Variants in SAMD15 observed in about 807,000 individuals in gnomAD.
SAMD15 encodes the protein sterile alpha motif domain containing 15, also known as sterile alpha motif domain-containing protein 15.
SAMD15 carries 37 observed loss-of-function variants against 50.5 expected under a neutral mutation model. The observed-to-expected ratio is 0.73, with a 90% confidence interval of 0.56 to 0.96. SAMD15 has a LOEUF of 0.96. SAMD15 is among the 40% of genes least tolerant of loss of function. The pLI, the probability that SAMD15 is intolerant of heterozygous loss-of-function variation, is 0.00. For synonymous variants in SAMD15, 255 were observed against 282.8 expected (o/e 0.90, Z 0.99); for missense variants, 789 against 783.8 (o/e 1.01, Z -0.08).
In SAMD15 at chr14:77,377,403, G is replaced by A. The variant is rs769743578; in HGVS notation, c.-16G>A. On this transcript the variant is annotated 5_prime_UTR_variant, in exon 1 of 3. Coordinates refer to ENST00000216471, the MANE Select transcript of SAMD15 (RefSeq NM_001010860.4). ...TGGGGTTGCTAGGAAGCCGCGGCGC[G>A]TCTGCTAAGCTGCAAATGGCTGAAG... 4.4e-6 allele frequency: 7 copies of A among 1,580,292 alleles called. No homozygotes were observed. The highest frequency in any genetic ancestry group is 5.2e-6 in the Non-Finnish European group (6 of 1,163,978).
At position 77,377,605 on chromosome 14, in the gene SAMD15, G is replaced by C. The variant is rs755710648; in HGVS notation, c.187G>C (p.Asp63His). ...GCCACAGCCAGAGACCGAGGAAGAG[G>C]ACTTCAAAGAGGGGGAGCCAGACAG... Reference protein sequence around the residue: ...QEPQPETEEEDFKEGEPDSAK... With the variant: ...QEPQPETEEEHFKEGEPDSAK... The change falls in exon 1 of 3, where the codon GAC becomes CAC. Residue 63 changes from aspartate (D) to histidine (H), a missense_variant. Asp to His is a moderately conservative substitution (Grantham distance 81, BLOSUM62 -1). Transcript: ENST00000216471. The C allele has an allele frequency of 1.2e-6, 2 of 1,614,116 alleles. No individual in the cohort carries two copies. Among genetic ancestry groups the C allele is most frequent in the East Asian group, 2.2e-5 (1 of 44,880 alleles).
At chr14:77,380,509 G>T in intron 2 of SAMD15, 28 bp downstream of exon 2, 1 of 1,497,360 alleles carries the variant, frequency 6.7e-7, no homozygotes, top group South Asian at 1.1e-5. Flanking sequence ...TTTCCCTACA[G>T]AGCACTGTTA....
In SAMD15 at chr14:77,378,970, CAA is replaced by C; in HGVS notation, c.1553_1554del (p.Gln518ArgfsTer8). Reference protein sequence around the residue: ...VHEKEVVDLSQELKERVSEDD... With the variant: ...VHEKEVVDLSXELKERVSEDD... ...TGAAAAGGAAGTTGTAGATTTGTCC[CAA>C]GAGTTGAAGGAACGGGTCTCTGAAG... On this transcript the variant is annotated frameshift_variant, in exon 1 of 3. Transcript: ENST00000216471. LOFTEE classifies it high-confidence loss of function. The C allele has an allele frequency of 6.2e-7, 1 of 1,614,086 alleles. No homozygotes were observed. The highest frequency in any genetic ancestry group is 8.5e-7 in the Non-Finnish European group (1 of 1,180,014).
rs768961257 is a variant in SAMD15 at position 77,378,147 on chromosome 14, GAC to G, written c.733_734del (p.Gln245LysfsTer5). On this transcript the variant is annotated frameshift_variant, in exon 1 of 3. Transcript: ENST00000216471. LOFTEE classifies it high-confidence loss of function. ...TGACCAAACCAGAGACTCCAGAGGA[GAC>G]ACAAAGAGAGTCAACTGAGAAGAAA... is the stretch of plus-strand genomic sequence containing the variant. ...KMTKPETPEETQRESTEKKRT... is the reference protein window; with the variant it reads ...KMTKPETPEEXQRESTEKKRT... 8.6e-5 allele frequency: 138 copies of G among 1,613,248 alleles called. No homozygotes were observed. Among genetic ancestry groups the G allele is most frequent in the Non-Finnish European group, 1.1e-4 (130 of 1,179,880 alleles).
intron 1 of SAMD15, 77 bp from the exon 2 acceptor site, chr14:77,380,306 C>T: frequency 2.2e-6 from 2 of 896,206 alleles, no homozygotes; most frequent in Non-Finnish European, 1.9e-6. Context: ...CGACTTCTTC[C>T]CTTCCTCCCC....
chr14:77,378,605 A>C lies in SAMD15; in HGVS notation c.1187A>C (p.Gln396Pro). 1 of 1,613,750 alleles carries C rather than the reference A, an allele frequency of 6.2e-7. No homozygotes were observed. The highest frequency in any genetic ancestry group is 8.5e-7 in the Non-Finnish European group (1 of 1,179,952). ...EINPQVEEKT[Q>P]TKPTEKILEL... ...AACCCACAAGTTGAAGAGAAAACAC[A>C]AACAAAGCCAACTGAGAAAATTCTA... is the stretch of plus-strand genomic sequence containing the variant. Residue 396 changes from glutamine (Q) to proline (P), a missense_variant, in exon 1 of 3, where the codon CAA becomes CCA. Physicochemically the swap from Gln to Pro is moderately conservative, Grantham distance 76 (BLOSUM62 -1). Around this residue, in one of 2 missense-constraint regions of SAMD15, gnomAD observed 770 missense variants for 745.4 expected, o/e 1.03. Coordinates refer to ENST00000216471, the MANE Select transcript of SAMD15 (RefSeq NM_001010860.4).
At chr14:77,390,525 T>G (rs1421286012) in intron 2 of SAMD15, among the ~76,000 whole-genome samples, 1 of 152,194 alleles carries the variant, frequency 6.6e-6, no homozygotes, top group Non-Finnish European at 1.5e-5. Context: ...TCATGACATT[T>G]AAGAAATTGG....
Position 77,379,447 on chromosome 14 carries a change from G to A in SAMD15, c.1689+340G>A, listed in dbSNP as rs150125715. Among the ~76,000 whole-genome samples the A allele has an allele frequency of 7.0e-3, 1,061 of 150,904 alleles. 19 individuals carry two copies. Among genetic ancestry groups the A allele is most frequent in the South Asian group, 0.037 (179 of 4,790 alleles). The stretch of plus-strand genomic sequence containing the variant: ...TGCCAAGGTTGGAGTGCAGTGGCAC[G>A]ATCTCGGCTCACTGCAAGCTCCACC... On this transcript the variant is annotated intron_variant, in intron 1 of 2. Coordinates refer to ENST00000216471, the MANE Select transcript of SAMD15 (RefSeq NM_001010860.4).
At chr14:77,385,430 C>T (rs1237784155) in intron 2 of SAMD15, among the ~76,000 whole-genome samples, 5 of 151,928 alleles carry the variant, frequency 3.3e-5, no homozygotes, top group Admixed American at 6.6e-5. Context: ...GGATTACAGG[C>T]GCCCACCACT....
Position 77,391,494 on chromosome 14 carries a change from T to C in SAMD15, c.*250T>C. 2.9e-6 allele frequency: 1 copy of C among 341,238 alleles called. No homozygotes were observed. The highest frequency in any genetic ancestry group is 2.1e-5 in the African/African-American group (1 of 47,454). The allele number at this position is 341,238 out of a possible 1,614,324, so 21.1% of individuals were successfully genotyped here. Reference sequence around the variant, plus strand: ...CATCATGCCCAGCTAATTTTTGTATTTTTAGTAGATATGATGTTTCACCAT... The same window carrying C: ...CATCATGCCCAGCTAATTTTTGTATCTTTAGTAGATATGATGTTTCACCAT... On this transcript the variant is annotated 3_prime_UTR_variant, in exon 3 of 3. Coordinates refer to ENST00000216471, the MANE Select transcript of SAMD15 (RefSeq NM_001010860.4).
chr14:77,383,220 A>G (rs906811133), intron 2 of SAMD15, among the ~76,000 whole-genome samples: 1 of 152,208 alleles, frequency 6.6e-6, no homozygotes, highest in Non-Finnish European at 1.5e-5. Context: ...TGACTTTCTT[A>G]ATAAACTTGC....
At position 77,377,435 on chromosome 14, in the gene SAMD15, A is replaced by G. The variant is rs1893853168; in HGVS notation, c.17A>G (p.Glu6Gly). 6.2e-7 allele frequency: 1 copy of G among 1,609,462 alleles called. No homozygotes were observed. Among genetic ancestry groups the G allele is most frequent in the East Asian group, 2.2e-5 (1 of 44,840 alleles). Residue 6 changes from glutamate to glycine, a missense_variant, in exon 1 of 3, where the codon GAG becomes GGG. Transcript: ENST00000216471. The stretch of plus-strand genomic sequence containing the variant: ...AAGCTGCAAATGGCTGAAGTCCCGG[A>G]GGATTATGATTCCGGCCCAGATGAA... MAEVP[E>G]DYDSGPDEDG...
At chr14:77,387,660 TA>T (rs931177077) in intron 2 of SAMD15, among the ~76,000 whole-genome samples, 12 of 151,550 alleles carry the variant, frequency 7.9e-5, no homozygotes, top group Admixed American at 2.6e-4. Flanking sequence ...CCAAGAGCCA[TA>T]AAAAAAACCC....
rs756183333 is a variant in SAMD15 at position 77,379,026 on chromosome 14, T to G, written c.1608T>G (p.Thr536=). ...EDDETQPEKG[T]ELQFEHLNWD... is the part of the protein sequence containing the mutation. The stretch of plus-strand genomic sequence containing the variant: ...ACGAAACCCAGCCAGAAAAAGGGAC[T>G]GAGTTACAATTTGAGCATCTTAATT... Residue 536 remains threonine, a synonymous_variant, in exon 1 of 3, where the codon ACT becomes ACG. Coordinates refer to ENST00000216471, the MANE Select transcript of SAMD15 (RefSeq NM_001010860.4). The G allele has an allele frequency of 6.2e-7, 1 of 1,614,134 alleles. No individual in the cohort carries two copies. Among genetic ancestry groups the G allele is most frequent in the South Asian group, 1.1e-5 (1 of 91,084 alleles).
At chr14:77,382,253 T>G (rs1009830890) in intron 2 of SAMD15, among the ~76,000 whole-genome samples, 17 of 152,110 alleles carry the variant, frequency 1.1e-4, no homozygotes, top group African/African-American at 3.9e-4. Context: ...GCCTCCCGAG[T>G]AGCTGGGACT....
Position 77,389,702 on chromosome 14 carries a change from T to C in SAMD15, c.1789-1306T>C, listed in dbSNP as rs138078120. Among the ~76,000 whole-genome samples, 1,333 of 151,998 alleles carry C rather than the reference T, an allele frequency of 8.8e-3. 19 individuals are homozygous for C. The highest frequency in any genetic ancestry group is 0.037 in the South Asian group (177 of 4,808). On this transcript the variant is annotated intron_variant, in intron 2 of 2. Transcript: ENST00000216471. Reference sequence around the variant, plus strand: ...TTTTAGTAGAGATGGGGTTTCACCATGTTAGCGAGGATGGTCTCGATCTCC... The same window carrying C: ...TTTTAGTAGAGATGGGGTTTCACCACGTTAGCGAGGATGGTCTCGATCTCC...
In SAMD15 at chr14:77,377,725, A is replaced by T; in HGVS notation, c.307A>T (p.Ile103Leu). ...CGTACCAAGCGAAACTGAACCAGGG[A>T]TACACCAAGAGGTAAAGTCGGAAAC... is the stretch of plus-strand genomic sequence containing the variant. ...RDVPSETEPG[I>L]HQEVKSETSR... is the part of the protein sequence containing the mutation. The change falls in exon 1 of 3, where the codon ATA becomes TTA. Residue 103 changes from isoleucine to leucine, a missense_variant. Physicochemically the swap from Ile to Leu is conservative, Grantham distance 5 (BLOSUM62 2). Coordinates refer to ENST00000216471, the MANE Select transcript of SAMD15 (RefSeq NM_001010860.4). The T allele has an allele frequency of 1.2e-6, 2 of 1,614,222 alleles. No homozygotes were observed. Among genetic ancestry groups the T allele is most frequent in the Non-Finnish European group, 1.7e-6 (2 of 1,180,028 alleles).
At chr14:77,380,261 C>A (rs1893928484) in intron 1 of SAMD15, 122 bp from the exon 2 acceptor site, 2 of 686,456 alleles carry the variant, frequency 2.9e-6, no homozygotes, top group Admixed American at 4.5e-5. Flanking sequence ...AAAGAAAAAA[C>A]AAAATAATAT....
chr14:77,391,018 G>C lies in SAMD15; in HGVS notation c.1799G>C (p.Arg600Pro). 6.2e-7 allele frequency: 1 copy of C among 1,604,062 alleles called. No homozygotes were observed. Residue 600 changes from arginine to proline, a missense_variant, in exon 3 of 3, where the codon CGG (arginine) becomes CCG (proline). Physicochemically the swap from Arg to Pro is moderately radical, Grantham distance 103 (BLOSUM62 -2). Coordinates refer to ENST00000216471, the MANE Select transcript of SAMD15 (RefSeq NM_001010860.4). ...ATCCTTGCGTTTCAGGCAATTTCTC[G>C]GCATACGCAGGAGCTCCTGGAAATT... ...TNFEDMKAISRHTQELLEIEE... is the reference protein window; with the variant it reads ...TNFEDMKAISPHTQELLEIEE...
Sources: gnomAD v4.1 joint callset for allele counts (sites outside exome capture counted in the v4.1 genomes callset) on GRCh38, gnomAD v4.1.1 for gene constraint, gnomAD v4.1.1 regional missense constraint, MANE v1.5 for transcripts, NCBI Gene and HGNC (gene_info 2026-07-23, HGNC 2026-07-21) for gene names.